The following WNK3 variants were observed in gnomAD, a reference collection of about 807,000 sequenced individuals.
WNK3 encodes the protein WNK lysine deficient protein kinase 3.
A neutral mutation model predicts 116.7 loss-of-function variants in WNK3; 18 were observed. The ratio of observed to expected loss-of-function variants is 0.15; its 90% CI spans 0.11 to 0.23. The LOEUF (loss-of-function observed/expected upper bound fraction) is 0.23. Among genes scored for constraint, WNK3 ranks in the 10% least tolerant of loss-of-function variants. WNK3 has a pLI of 1.00. For synonymous variants in WNK3, 404 were observed against 469.4 expected (o/e 0.86, Z 1.80); for missense variants, 993 against 1,323.8 (o/e 0.75, Z 3.88).
rs782042344 is a variant in WNK3 at position 54,253,688 on chromosome X, C to T, written c.2367+271G>A. ...AGGCAATACAATTGTTTTTAAAAAG[C>T]TTGTCAGGTGATTTTCACATGCAAT... On this transcript the variant is annotated intron_variant, in intron 13 of 23. Transcript: ENST00000354646. Among the ~76,000 whole-genome samples the T allele has an allele frequency of 1.2e-4, 13 of 112,175 alleles. No individual in the cohort carries two copies. In the East Asian group the frequency reaches 3.3e-3, roughly 29 times the overall value.
exon 24 of WNK3, chrX:54,198,446 T>G (rs2067467650): frequency 8.3e-7 from 1 of 1,208,957 alleles, no homozygotes; most frequent in Admixed American, 2.2e-5. Flanking sequence ...GATTGTTGTG[T>G]TGTTCCTGAA....
At position 54,276,214 on chromosome X, in the gene WNK3, C is replaced by T. The variant is rs371509545; in HGVS notation, c.2037+16674G>A. On this transcript the variant is annotated intron_variant, in intron 10 of 23. Coordinates refer to ENST00000354646, the Ensembl canonical transcript of WNK3. ...AATTAGCTGGGCATGGTGGTGCACG[C>T]CTGTAATCCCAGCTACTCAGGAGGC... Among the ~76,000 whole-genome samples, 12 of 110,375 alleles carry T rather than the reference C, an allele frequency of 1.1e-4. No homozygotes were observed. The South Asian group carries it at 4.7e-3, about 43-fold the overall frequency.
chrX:54,341,267 G>A, intron 1 of WNK3, among the ~76,000 whole-genome samples: 1 of 110,370 alleles, frequency 9.1e-6, no homozygotes. Context: ...CGTGGTAGTG[G>A]GTACCTAGAA....
intron 10 of WNK3, among the ~76,000 whole-genome samples, chrX:54,260,234 ATAAAT>A (rs1258896940): frequency 9.8e-5 from 11 of 112,397 alleles, no homozygotes; most frequent in Non-Finnish European, 1.7e-4. Flanking sequence ...TTTTTCCTGC[ATAAAT>A]TAGACTAGCT....
chrX:54,280,920 C>T (rs987186266), intron 10 of WNK3, among the ~76,000 whole-genome samples: 64 of 110,454 alleles, frequency 5.8e-4, no homozygotes, highest in Non-Finnish European at 8.5e-4. Flanking sequence ...CACACATACT[C>T]CCTGATTCTA....
At chrX:54,355,845 T>C (rs2069586821) in intron 1 of WNK3, among the ~76,000 whole-genome samples, 1 of 111,638 alleles carries the variant, frequency 9.0e-6, no homozygotes, top group African/African-American at 3.2e-5. Context: ...CCTGGTTGAG[T>C]TAGTGCAACA....
At chrX:54,291,130 G>A (rs944419549) in intron 10 of WNK3, among the ~76,000 whole-genome samples, 6 of 110,588 alleles carry the variant, frequency 5.4e-5, no homozygotes, top group African/African-American at 1.3e-4. Flanking sequence ...TGGCTAACAC[G>A]GTGAAAGCCC....
At chrX:54,237,288 A>G (rs181788684) in exon 20 of WNK3, 1 of 1,210,905 alleles carries the variant, frequency 8.3e-7, no homozygotes, top group African/African-American at 1.7e-5. Context: ...CATCAGTCTC[A>G]CAAGCTGCGC....
At chrX:54,274,530 C>A (rs200198168) in intron 10 of WNK3, among the ~76,000 whole-genome samples, 50 of 111,720 alleles carry the variant, frequency 4.5e-4, no homozygotes, top group Non-Finnish European at 9.0e-4. Context: ...GACATCACTA[C>A]GGTAATTTTT....
intron 2 of WNK3, among the ~76,000 whole-genome samples, chrX:54,321,009 G>T (rs1301715953): frequency 2.7e-5 from 3 of 110,438 alleles, no homozygotes; most frequent in African/African-American, 9.9e-5. Flanking sequence ...CAATTCTCCT[G>T]CCTCAGCCTT....
intron 21 of WNK3, among the ~76,000 whole-genome samples, chrX:54,231,782 C>T (rs1348060836): frequency 1.8e-5 from 2 of 111,069 alleles, no homozygotes; most frequent in East Asian, 2.8e-4. Context: ...TGCACATGGA[C>T]GTTTTCGGGG....
chrX:54,294,969 C>T, intron 7 of WNK3, 122 bp from the exon 8 acceptor site: 1 of 507,350 alleles, frequency 2.0e-6, no homozygotes, highest in African/African-American at 2.4e-5. Context: ...ATGATCTCGG[C>T]TCACTGCAAC....
At chrX:54,275,311 G>A (rs781790567) in intron 10 of WNK3, among the ~76,000 whole-genome samples, 2 of 109,644 alleles carry the variant, frequency 1.8e-5, no homozygotes, top group African/African-American at 3.3e-5. Flanking sequence ...GTGAGACTCC[G>A]GCTCAGAAAA....
At chrX:54,197,445 A>G (rs1331767857) in exon 24 of WNK3, 2 of 111,795 alleles carry the variant, frequency 1.8e-5, no homozygotes, top group South Asian at 3.8e-4. Context: ...AAAAGGGCTC[A>G]TGTTCTGTAT....
At chrX:54,286,092 G>A (rs1246171478) in intron 10 of WNK3, among the ~76,000 whole-genome samples, 2 of 110,202 alleles carry the variant, frequency 1.8e-5, no homozygotes, top group African/African-American at 6.6e-5. Flanking sequence ...TGGGGAAAAC[G>A]TTTTAATTAG....
chrX:54,283,260 A>T (rs1282835236), intron 10 of WNK3, among the ~76,000 whole-genome samples: 2 of 111,353 alleles, frequency 1.8e-5, no homozygotes, highest in African/African-American at 6.5e-5. Flanking sequence ...CCAGGGCTAT[A>T]TGGCGAGACC....
At chrX:54,357,925 A>G (rs2069619647) in exon 1 of WNK3, 1 of 112,191 alleles carries the variant, frequency 8.9e-6, no homozygotes, top group Admixed American at 9.3e-5. Flanking sequence ...CCACCGGGCC[A>G]GCTACGGCCG....
intron 2 of WNK3, among the ~76,000 whole-genome samples, chrX:54,321,687 C>T (rs1430294706): frequency 2.7e-5 from 3 of 111,200 alleles, no homozygotes; most frequent in African/African-American, 9.8e-5. Context: ...TGGCTGAGCG[C>T]GGTGGCTCAC....
intron 2 of WNK3, among the ~76,000 whole-genome samples, chrX:54,329,646 T>TA (rs782574798): frequency 0.018 from 1,692 of 95,326 alleles, 10 homozygotes; most frequent in Middle Eastern, 0.021. Context: ...GACTCTGTCT[T>TA]AAAAAAAAAA....
Sources: allele counts gnomAD v4.1 joint callset (sites outside exome capture counted in the v4.1 genomes callset), GRCh38; gene constraint gnomAD v4.1.1; transcripts MANE v1.5; gene names NCBI Gene and HGNC (gene_info 2026-07-23, HGNC 2026-07-21).